PXDNL: variants seen among roughly 807,000 people sequenced by gnomAD.
The protein encoded by PXDNL is peroxidasin like, also known as probable oxidoreductase PXDNL.
In PXDNL, 145 loss-of-function variants were observed where a neutral mutation model predicts 150.8. That is an observed-to-expected ratio of 0.96 (90% confidence interval 0.84 to 1.10). The LOEUF is 1.10. Ranked by LOEUF, PXDNL falls within the 50% of genes least tolerant of loss-of-function variation. PXDNL has a pLI of 0.00. For missense variants in PXDNL, 2,087 were observed against 1,873.9 expected (o/e 1.11, Z -2.10); for synonymous variants, 757 against 725.7 (o/e 1.04, Z -0.69).
At chr8:51,756,393 G>GA (rs199827186) in intron 1 of PXDNL, among the ~76,000 whole-genome samples, 16,943 of 88,512 alleles carry the variant, frequency 0.19, 1,104 homozygotes, top group Middle Eastern at 0.27. Context: ...CCCCATCACA[G>GA]AAAAAAAAAA....
intron 19 of PXDNL, among the ~76,000 whole-genome samples, chr8:51,352,010 G>T (rs1767397727): frequency 6.6e-6 from 1 of 152,030 alleles, no homozygotes; most frequent in African/African-American, 2.4e-5. Flanking sequence ...ATTAGAAGCA[G>T]GTCACAGGTT....
At chr8:51,416,926 TTTTAAG>T (rs1808814937) in intron 14 of PXDNL, among the ~76,000 whole-genome samples, 1 of 152,252 alleles carries the variant, frequency 6.6e-6, no homozygotes, top group African/African-American at 2.4e-5. Flanking sequence ...AGTTATGATT[TTTTAAG>T]TTTATGTGGT....
intron 4 of PXDNL, among the ~76,000 whole-genome samples, chr8:51,552,661 C>T (rs1485232086): frequency 6.6e-6 from 1 of 152,100 alleles, no homozygotes; most frequent in African/African-American, 2.4e-5. Context: ...ATATAAGGGA[C>T]TCCAGGTATT....
chr8:51,636,543 A>T (rs1814606611), intron 2 of PXDNL, among the ~76,000 whole-genome samples: 1 of 152,242 alleles, frequency 6.6e-6, no homozygotes, highest in Non-Finnish European at 1.5e-5. Context: ...TGTTCTGTAC[A>T]TAAGCAATAA....
intron 19 of PXDNL, among the ~76,000 whole-genome samples, chr8:51,365,534 A>G (rs927052338): frequency 1.3e-5 from 2 of 152,196 alleles, no homozygotes; most frequent in Non-Finnish European, 2.9e-5. Flanking sequence ...AGCTCTTGGT[A>G]TTATCCTCCT....
At chr8:51,474,242 G>GCA (rs147454570) in intron 7 of PXDNL, among the ~76,000 whole-genome samples, 4 of 151,474 alleles carry the variant, frequency 2.6e-5, no homozygotes, top group East Asian at 3.9e-4. Flanking sequence ...TCACACACAT[G>GCA]CACACACACA....
At chr8:51,365,177 A>G (rs1806876023) in intron 19 of PXDNL, among the ~76,000 whole-genome samples, 1 of 152,152 alleles carries the variant, frequency 6.6e-6, no homozygotes, top group Non-Finnish European at 1.5e-5. Context: ...GCCTCAAGTG[A>G]TCTGCCCACC....
rs2037271264 is a variant in PXDNL, at chr8:51,769,699, G to A, written c.164+39482C>T. The stretch of plus-strand genomic sequence containing the variant: ...TGATTAGGCTCACCAATCTTGACCT[G>A]CCTTGCTTGTTCTTAGTCACTTGCT... On this transcript the variant is annotated intron_variant, in intron 1 of 22. Transcript: ENST00000356297. Among the ~76,000 whole-genome samples the A allele has an allele frequency of 1.3e-5, 2 of 152,198 alleles. 1 individual carries two copies. The highest frequency in any genetic ancestry group is 1.3e-4 in the Admixed American group (2 of 15,280).
chr8:51,725,799 TA>T (rs1816808875), intron 1 of PXDNL, among the ~76,000 whole-genome samples: 1 of 152,234 alleles, frequency 6.6e-6, no homozygotes, highest in Non-Finnish European at 1.5e-5. Context: ...GGACAGATAG[TA>T]AATGGTCAAC....
At chr8:51,404,230 G>C (rs146267703) in intron 17 of PXDNL, among the ~76,000 whole-genome samples, 3 of 152,222 alleles carry the variant, frequency 2.0e-5, no homozygotes, top group African/African-American at 7.2e-5. Flanking sequence ...CCACACTGTC[G>C]AAAGAGACCG....
intron 1 of PXDNL, among the ~76,000 whole-genome samples, chr8:51,733,069 C>A (rs1816964875): frequency 6.6e-6 from 1 of 152,216 alleles, no homozygotes; most frequent in African/African-American, 2.4e-5. Flanking sequence ...TTCTGTTTGT[C>A]TGCTTTGTTC....
At chr8:51,648,158 G>A (rs556785816) in intron 2 of PXDNL, among the ~76,000 whole-genome samples, 63 of 152,166 alleles carry the variant, frequency 4.1e-4, no homozygotes, top group African/African-American at 1.3e-3. Flanking sequence ...TACTACCACC[G>A]CCAATCATAA....
intron 3 of PXDNL, among the ~76,000 whole-genome samples, chr8:51,583,091 G>T (rs767024488): frequency 3.9e-5 from 6 of 152,174 alleles, no homozygotes; most frequent in Non-Finnish European, 7.4e-5. Flanking sequence ...TAAATTTTGT[G>T]AGTGAATTGA....
At chr8:51,802,269 G>A (rs978925892) in intron 1 of PXDNL, among the ~76,000 whole-genome samples, 2 of 151,862 alleles carry the variant, frequency 1.3e-5, no homozygotes, top group Non-Finnish European at 2.9e-5. Context: ...AGAATCACTG[G>A]AGAAGACCAA....
At chr8:51,694,291 A>C (rs1159254278) in intron 1 of PXDNL, among the ~76,000 whole-genome samples, 1 of 152,144 alleles carries the variant, frequency 6.6e-6, no homozygotes, top group East Asian at 1.9e-4. Flanking sequence ...TGAATCCAGG[A>C]GGCGGAGGTT....
chr8:51,725,630 C>T (rs985834916), intron 1 of PXDNL, among the ~76,000 whole-genome samples: 1 of 152,160 alleles, frequency 6.6e-6, no homozygotes, highest in Non-Finnish European at 1.5e-5. Flanking sequence ...TGAAGCTCCT[C>T]GTTGCATTAG....
chr8:51,558,636 A>G (rs1411523873), intron 3 of PXDNL, among the ~76,000 whole-genome samples: 2 of 152,244 alleles, frequency 1.3e-5, no homozygotes, highest in African/African-American at 2.4e-5. Context: ...GGTTTCCCAT[A>G]ATATTTTATC....
chr8:51,538,700 G>A lies in PXDNL; in HGVS notation c.380+18140C>T, dbSNP rs537302835. ...GAGAATCACTTGAATCTGGGAAGCG[G>A]AGGTTGCATGAGCCGAGATCGTGCC... On this transcript the variant is annotated intron_variant, in intron 4 of 22. Transcript: ENST00000356297. 6.6e-5 allele frequency among the ~76,000 whole-genome samples: 10 copies of A among 152,218 alleles called. No homozygotes were observed. In the East Asian group the frequency reaches 1.9e-3, roughly 29 times the overall value.
chr8:51,765,207 G>A (rs140661741), intron 1 of PXDNL, among the ~76,000 whole-genome samples: 3,937 of 152,170 alleles, frequency 0.026, 189 homozygotes, highest in African/African-American at 0.089. Flanking sequence ...TTGTGGGAGG[G>A]ACCCAGTGGG....
Sources: allele counts gnomAD v4.1 joint callset (sites outside exome capture counted in the v4.1 genomes callset), GRCh38; gene constraint gnomAD v4.1.1; transcripts MANE v1.5; gene names NCBI Gene and HGNC (gene_info 2026-07-23, HGNC 2026-07-21).